The following CNTNAP5 variants were observed in gnomAD, a reference collection of about 807,000 sequenced individuals.
CNTNAP5 encodes the protein contactin-associated protein-like 5.
In CNTNAP5, 72 loss-of-function variants were observed where a neutral mutation model predicts 150.2. That is an observed-to-expected ratio of 0.48 (90% CI 0.40 to 0.58). The LOEUF is 0.58. Ranked by LOEUF, CNTNAP5 falls within the 20% of genes least tolerant of loss-of-function variation. CNTNAP5 has a pLI of 0.00. For synonymous variants in CNTNAP5, 672 were observed against 619.8 expected (o/e 1.08, Z -1.25); for missense variants, 1,636 against 1,626.2 (o/e 1.01, Z -0.10).
chr2:124,383,803 A>G (rs1430579221), intron 3 of CNTNAP5, among the ~76,000 whole-genome samples: 5 of 152,222 alleles, frequency 3.3e-5, no homozygotes, highest in Admixed American at 6.5e-5. Flanking sequence ...ATTGTTTCAC[A>G]TGAATATACT....
intron 21 of CNTNAP5, among the ~76,000 whole-genome samples, chr2:124,883,823 CTG>C (rs1364916509): frequency 6.6e-6 from 1 of 151,974 alleles, no homozygotes; most frequent in African/African-American, 2.4e-5. Flanking sequence ...TGTGCTATAA[CTG>C]TATTGTATAT....
chr2:124,070,150 T>A lies in CNTNAP5; in HGVS notation c.82+44418T>A, dbSNP rs148679452. ...TGGATTACAAGATAGTATTTGTAAG[T>A]CTCATGATAATCTTAAATCAAAAAC... is the stretch of plus-strand genomic sequence containing the variant. On this transcript the variant is annotated intron_variant, in intron 1 of 23. Coordinates refer to ENST00000682447, the MANE Select transcript of CNTNAP5 (RefSeq NM_001367498.1). Among the ~76,000 whole-genome samples, 28 of 152,032 alleles carry A rather than the reference T, an allele frequency of 1.8e-4. No homozygotes were observed. The East Asian group carries it at 5.4e-3, about 29-fold the overall frequency.
At chr2:124,394,371 C>CAA (rs70996062) in intron 3 of CNTNAP5, among the ~76,000 whole-genome samples, 3 of 106,288 alleles carry the variant, frequency 2.8e-5, no homozygotes, top group Non-Finnish European at 3.9e-5. Context: ...GACTCTGTCT[C>CAA]AAAAAAAAAA....
chr2:124,375,028 A>C (rs1690611761), intron 3 of CNTNAP5, among the ~76,000 whole-genome samples: 2 of 152,076 alleles, frequency 1.3e-5, no homozygotes, highest in African/African-American at 4.8e-5. Flanking sequence ...TAGTTGAATA[A>C]ATAATTAAAG....
At chr2:124,460,334 T>A (rs982426682) in intron 6 of CNTNAP5, among the ~76,000 whole-genome samples, 2 of 152,178 alleles carry the variant, frequency 1.3e-5, no homozygotes, top group African/African-American at 4.8e-5. Flanking sequence ...AAAAGTACTT[T>A]AAGAAGAAAC....
At chr2:124,594,546 A>T (rs1573482987) in intron 11 of CNTNAP5, among the ~76,000 whole-genome samples, 2 of 146,122 alleles carry the variant, frequency 1.4e-5, no homozygotes, top group Non-Finnish European at 3.0e-5. Context: ...GTAGCCTTGT[A>T]GTATAGTTTG....
At chr2:124,671,696 A>G (rs990496967) in intron 13 of CNTNAP5, among the ~76,000 whole-genome samples, 6 of 152,080 alleles carry the variant, frequency 3.9e-5, no homozygotes, top group Non-Finnish European at 8.8e-5. Flanking sequence ...CTGGAGTACA[A>G]TGGTGCAATC....
intron 1 of CNTNAP5, among the ~76,000 whole-genome samples, chr2:124,069,138 C>A (rs1203171289): frequency 6.6e-6 from 1 of 151,980 alleles, no homozygotes; most frequent in African/African-American, 2.4e-5. Context: ...CCAGGCCTGT[C>A]AGCATTCACA....
intron 10 of CNTNAP5, among the ~76,000 whole-genome samples, 189 bp downstream of exon 10, chr2:124,527,645 C>T (rs1695005634): frequency 6.6e-6 from 1 of 152,130 alleles, no homozygotes; most frequent in Non-Finnish European, 1.5e-5. Context: ...TTAGTTGAGT[C>T]TCTCTTCATG....
At chr2:124,768,763 T>C (rs934412990) in intron 16 of CNTNAP5, among the ~76,000 whole-genome samples, 4 of 152,054 alleles carry the variant, frequency 2.6e-5, no homozygotes, top group Middle Eastern at 3.2e-3. Flanking sequence ...GTCCACAGGA[T>C]TGACAATGTT....
At chr2:124,654,037 A>G (rs1440317742) in intron 13 of CNTNAP5, among the ~76,000 whole-genome samples, 2 of 151,922 alleles carry the variant, frequency 1.3e-5, no homozygotes. Context: ...GTGGTGGGAA[A>G]GTCCTCCCAG....
At chr2:124,720,931 G>A (rs1215211827) in intron 13 of CNTNAP5, among the ~76,000 whole-genome samples, 1 of 151,910 alleles carries the variant, frequency 6.6e-6, no homozygotes, top group Non-Finnish European at 1.5e-5. Flanking sequence ...ACTTTAAGAT[G>A]GTAAAATTGT....
At chr2:124,182,032 A>G (rs182620238) in intron 1 of CNTNAP5, among the ~76,000 whole-genome samples, 70 of 152,332 alleles carry the variant, frequency 4.6e-4, no homozygotes, top group African/African-American at 1.6e-3. Flanking sequence ...CCAAACAGCT[A>G]TAATATGTAG....
At chr2:124,690,462 A>G (rs1679278508) in intron 13 of CNTNAP5, among the ~76,000 whole-genome samples, 2 of 152,110 alleles carry the variant, frequency 1.3e-5, no homozygotes, top group Admixed American at 6.6e-5. Flanking sequence ...AATACTTAAT[A>G]GTCTTCTATC....
intron 11 of CNTNAP5, among the ~76,000 whole-genome samples, chr2:124,598,128 C>G (rs946335224): frequency 1.6e-5 from 2 of 128,258 alleles, no homozygotes; most frequent in Non-Finnish European, 3.3e-5. Flanking sequence ...TCGTCTGAAG[C>G]CTTCTTCTCT....
intron 10 of CNTNAP5, among the ~76,000 whole-genome samples, chr2:124,531,172 G>A (rs1360862459): frequency 6.6e-6 from 1 of 152,062 alleles, no homozygotes; most frequent in Non-Finnish European, 1.5e-5. Flanking sequence ...CATAAGGAGT[G>A]TGCAACCTGG....
At chr2:124,700,598 T>G (rs1292954000) in intron 13 of CNTNAP5, among the ~76,000 whole-genome samples, 1 of 152,110 alleles carries the variant, frequency 6.6e-6, no homozygotes, top group East Asian at 1.9e-4. Context: ...ATTTTCCTCC[T>G]CACCAATGGC....
At chr2:124,464,721 A>G (rs1485114082) in intron 6 of CNTNAP5, among the ~76,000 whole-genome samples, 1 of 152,214 alleles carries the variant, frequency 6.6e-6, no homozygotes, top group Non-Finnish European at 1.5e-5. Context: ...CAGGAGATTT[A>G]ACCAGAAAAT....
chr2:124,610,030 A>C (rs1439908855), intron 12 of CNTNAP5, 110 bp downstream of exon 12: 2 of 1,242,342 alleles, frequency 1.6e-6, no homozygotes, highest in Admixed American at 2.5e-5. Context: ...TGAAAGACCA[A>C]CTGGTCTCCT....
Sources: gnomAD v4.1 joint callset for allele counts (sites outside exome capture counted in the v4.1 genomes callset) on GRCh38, gnomAD v4.1.1 for gene constraint, MANE v1.5 for transcripts, NCBI Gene and HGNC (gene_info 2026-07-23, HGNC 2026-07-21) for gene names.